Variants in MTPN observed in about 807,000 individuals in gnomAD.
MTPN encodes the protein myotrophin.
MTPN carries 2 observed loss-of-function variants against 13.5 expected under a neutral mutation model. The ratio of observed to expected loss-of-function variants is 0.15; its 90% CI spans 0.06 to 0.47. MTPN has a LOEUF of 0.47. MTPN is among the 20% of genes least tolerant of loss of function. The pLI is 0.97. For missense variants in MTPN, 79 were observed against 137.9 expected, an observed-to-expected ratio of 0.57 and a Z score of 2.14; for synonymous variants, 46 against 51.7, an observed-to-expected ratio of 0.89 and a Z score of 0.48.
At chr7:135,975,015 A>C (rs939337173) in intron 1 of MTPN, among the ~76,000 whole-genome samples, 2 of 152,246 alleles carry the variant, frequency 1.3e-5, no homozygotes, top group Non-Finnish European at 2.9e-5. Flanking sequence ...AGTTACAGTC[A>C]TATCTTTTTG....
At chr7:135,942,928 C>T (rs1031711970) in intron 3 of MTPN, among the ~76,000 whole-genome samples, 9 of 152,176 alleles carry the variant, frequency 5.9e-5, no homozygotes, top group Admixed American at 2.6e-4. Context: ...GAACTTACAC[C>T]GTGGGCATAC....
chr7:135,952,833 C>T (rs1392801182), intron 1 of MTPN, among the ~76,000 whole-genome samples: 2 of 152,064 alleles, frequency 1.3e-5, no homozygotes, highest in Admixed American at 6.5e-5. Flanking sequence ...TGATGGCATG[C>T]TCCTGTGGTC....
intron 2 of MTPN, among the ~76,000 whole-genome samples, 184 bp downstream of exon 2, chr7:135,951,333 T>C (rs925760147): frequency 1.6e-4 from 25 of 152,228 alleles, no homozygotes; most frequent in Non-Finnish European, 4.4e-5. Context: ...GTCAGCTTTT[T>C]TGGCTTATTT....
rs1321409258 is a variant in MTPN at position 135,929,092 on chromosome 7, T to A, written c.*834A>T. The A allele has an allele frequency of 6.0e-6, 1 of 167,090 alleles. No individual in the cohort carries two copies. Among genetic ancestry groups the A allele is most frequent in the Non-Finnish European group, 1.5e-5 (1 of 68,124 alleles). The allele number at this position is 167,090 out of a possible 1,614,324, so 10.4% of individuals were successfully genotyped here. A position where few individuals can be genotyped will look rare whatever the true frequency, so the allele number is the denominator to read the frequency against. On this transcript the variant is annotated 3_prime_UTR_variant, in exon 4 of 4. Transcript: ENST00000393085. Reference sequence around the variant, plus strand: ...TCTCTTCATATGATACTAACAGGCTTATGGCTATGATTCTATTTTTAAATC... The same window carrying A: ...TCTCTTCATATGATACTAACAGGCTAATGGCTATGATTCTATTTTTAAATC...
At chr7:135,952,647 T>A (rs1317190897) in intron 1 of MTPN, among the ~76,000 whole-genome samples, 1 of 152,094 alleles carries the variant, frequency 6.6e-6, no homozygotes, top group African/African-American at 2.4e-5. Context: ...GAGTTCAGAT[T>A]TTACTGAGGA....
chr7:135,935,063 A>G (rs113353675), intron 3 of MTPN, among the ~76,000 whole-genome samples: 2,839 of 152,194 alleles, frequency 0.019, 116 homozygotes, highest in East Asian at 0.18. Flanking sequence ...TCCTTTTTCA[A>G]TATTCTCCAA....
intron 1 of MTPN, among the ~76,000 whole-genome samples, chr7:135,968,100 AT>A (rs376591765): frequency 2.0e-5 from 3 of 151,342 alleles, no homozygotes; most frequent in African/African-American, 4.9e-5. Flanking sequence ...CTGGCCTACA[AT>A]TTTTTTTTAA....
At chr7:135,940,292 C>A (rs542906035) in intron 3 of MTPN, among the ~76,000 whole-genome samples, 1 of 152,262 alleles carries the variant, frequency 6.6e-6, no homozygotes, top group Admixed American at 6.5e-5. Context: ...AAAAATTATT[C>A]AAATACCTAC....
Position 135,951,626 on chromosome 7 carries a change from T to A in MTPN, c.77A>T (p.Glu26Val). The change falls in exon 2 of 4, where the codon GAA becomes GTA. Residue 26 changes from glutamate (E) to valine (V), a missense_variant. Coordinates refer to ENST00000393085, the MANE Select transcript of MTPN (RefSeq NM_145808.4). ...ACCTTCTAGTGTCCGGTTGACATCT[T>A]CTCCCTGATAAGAAAACCAAATGAA... ...DEVKDYVAKG[E>V]DVNRTLEGGR... is the part of the protein sequence containing the mutation. 1 of 1,605,570 alleles carries A rather than the reference T, an allele frequency of 6.2e-7. No individual in the cohort carries two copies. The highest frequency in any genetic ancestry group is 8.5e-7 in the Non-Finnish European group (1 of 1,174,460).
intron 3 of MTPN, among the ~76,000 whole-genome samples, chr7:135,933,256 A>T (rs1056704691): frequency 2.6e-5 from 4 of 152,138 alleles, no homozygotes; most frequent in African/African-American, 9.7e-5. Flanking sequence ...TATTTGAGCT[A>T]TAACTTTAGA....
chr7:135,956,416 A>T (rs955689190), intron 1 of MTPN, among the ~76,000 whole-genome samples: 3 of 152,144 alleles, frequency 2.0e-5, no homozygotes, highest in Non-Finnish European at 4.4e-5. Flanking sequence ...CAATATTAAC[A>T]CGTTCCTTAG....
chr7:135,951,533 T>C lies in MTPN; in HGVS notation c.170A>G (p.Lys57Arg). ...QLEILEFLLL[K>R]GADINAPDKH... ...TCTACGTACATTAATATCTGCTCCT[T>C]TCAGCAGCAGAAATTCCAGGATTTC... is the stretch of plus-strand genomic sequence containing the variant. Residue 57 changes from lysine (K) to arginine (R), a missense_variant, in exon 2 of 4, where the codon AAA becomes AGA. By Grantham distance (26) the Lys-to-Arg change is conservative (BLOSUM62 2). Coordinates refer to ENST00000393085, the MANE Select transcript of MTPN (RefSeq NM_145808.4). 6.2e-7 allele frequency: 1 copy of C among 1,612,096 alleles called. No homozygotes were observed. Among genetic ancestry groups the C allele is most frequent in the Non-Finnish European group, 8.5e-7 (1 of 1,178,584 alleles).
chr7:135,939,919 C>T (rs1468200033), intron 3 of MTPN, among the ~76,000 whole-genome samples: 1 of 152,060 alleles, frequency 6.6e-6, no homozygotes, highest in Non-Finnish European at 1.5e-5. Context: ...ACATCTGGGT[C>T]ATAGTAACAG....
intron 1 of MTPN, among the ~76,000 whole-genome samples, chr7:135,957,586 A>G (rs1799461247): frequency 6.6e-6 from 1 of 152,208 alleles, no homozygotes; most frequent in African/African-American, 2.4e-5. Flanking sequence ...CCTAATTATT[A>G]TATCATTTAT....
rs1393683902 is a variant in MTPN, at chr7:135,929,183, G to T, written c.*743C>A. On this transcript the variant is annotated 3_prime_UTR_variant, in exon 4 of 4. Coordinates refer to ENST00000393085, the MANE Select transcript of MTPN (RefSeq NM_145808.4). ...TATATAAATGTATGAATCTAGAGGAGAAAAAAATATGCATACTGGAATGGT... is the reference window on the plus strand; with the variant it reads ...TATATAAATGTATGAATCTAGAGGATAAAAAAATATGCATACTGGAATGGT... 1 of 166,816 alleles carries T rather than the reference G, an allele frequency of 6.0e-6. No homozygotes were observed. The highest frequency in any genetic ancestry group is 2.4e-5 in the African/African-American group (1 of 41,372). 10.3% of individuals were successfully genotyped at this position (166,816 alleles called of 1,614,324 possible). A position where few individuals can be genotyped will look rare whatever the true frequency, so the allele number is the denominator to read the frequency against.
intron 3 of MTPN, among the ~76,000 whole-genome samples, chr7:135,940,550 C>G (rs1799193241): frequency 6.6e-6 from 1 of 152,186 alleles, no homozygotes; most frequent in African/African-American, 2.4e-5. Context: ...CAGCAGTCCC[C>G]TGAAGTGGAC....
intron 3 of MTPN, among the ~76,000 whole-genome samples, chr7:135,930,751 A>C (rs1181442915): frequency 2.0e-5 from 3 of 152,188 alleles, no homozygotes; most frequent in Non-Finnish European, 4.4e-5. Context: ...CAGCACTTGG[A>C]AAAGTGCCTA....
chr7:135,942,612 C>T (rs930182778), intron 3 of MTPN, among the ~76,000 whole-genome samples: 5 of 152,254 alleles, frequency 3.3e-5, no homozygotes, highest in African/African-American at 7.2e-5. Flanking sequence ...AAGACTACTA[C>T]GGTGATTAAA....
intron 1 of MTPN, among the ~76,000 whole-genome samples, chr7:135,964,471 T>C (rs1799575115): frequency 6.6e-6 from 1 of 152,058 alleles, no homozygotes; most frequent in Non-Finnish European, 1.5e-5. Context: ...GGACTCACAT[T>C]AGGGCTGGGA....
Sources: gnomAD v4.1 joint callset for allele counts (sites outside exome capture counted in the v4.1 genomes callset) on GRCh38, gnomAD v4.1.1 for gene constraint, MANE v1.5 for transcripts, NCBI Gene and HGNC (gene_info 2026-07-23, HGNC 2026-07-21) for gene names.